RCC1L: variants seen among roughly 807,000 people sequenced by gnomAD.
RCC1L encodes RCC1-like G exchanging factor-like protein.
RCC1L carries 46 observed loss-of-function variants against 58.6 expected under a neutral mutation model. The observed-to-expected ratio is 0.79, with a 90% CI of 0.62 to 1.00. The LOEUF is 1.00. Ranked by LOEUF, RCC1L falls within the 50% of genes least tolerant of loss-of-function variation. The pLI is 0.00. For synonymous variants in RCC1L, 281 were observed against 262.9 expected, an observed-to-expected ratio of 1.07 and a Z score of -0.67; for missense variants, 636 against 623.6, an observed-to-expected ratio of 1.02 and a Z score of -0.21.
At chr7:75,071,741 A>T (rs2115563517) in intron 1 of RCC1L, among the ~76,000 whole-genome samples, 1 of 152,234 alleles carries the variant, frequency 6.6e-6, no homozygotes, top group East Asian at 1.9e-4. Context: ...CCCCATCCTT[A>T]CCAACTGTGT....
At chr7:75,052,683 T>C (rs1554443480) in intron 10 of RCC1L, 28 bp downstream of exon 10, 1 of 1,593,552 alleles carries the variant, frequency 6.3e-7, no homozygotes, top group Admixed American at 1.8e-5. Flanking sequence ...TTAGCATCCA[T>C]TCTCAAGACC....
chr7:75,031,121 T>C (rs1189451198), intron 10 of RCC1L, among the ~76,000 whole-genome samples: 6 of 152,148 alleles, frequency 3.9e-5, no homozygotes, highest in Non-Finnish European at 8.8e-5. Flanking sequence ...CTGATAACAG[T>C]CCCAAGCCCT....
Position 75,064,599 on chromosome 7 carries a change from GACC to G in RCC1L, c.630_632del (p.Val211del). Reference sequence around the variant, plus strand: ...GAACTCACCTGTAAATTTCATTTTCGACCACCTTTCTTCCACATTGCCCATAAG... The same window carrying G: ...GAACTCACCTGTAAATTTCATTTTCGACCTTTCTTCCACATTGCCCATAAG... On this transcript the variant is annotated inframe_deletion, in exon 4 of 11. Coordinates refer to ENST00000610322, the MANE Select transcript of RCC1L (RefSeq NM_030798.5). 6.2e-6 allele frequency: 10 copies of G among 1,613,670 alleles called. No homozygotes were observed. The highest frequency in any genetic ancestry group is 8.5e-6 in the Non-Finnish European group (10 of 1,179,832).
At chr7:75,030,629 C>T (rs1484501696) in intron 10 of RCC1L, among the ~76,000 whole-genome samples, 2 of 152,172 alleles carry the variant, frequency 1.3e-5, no homozygotes, top group Non-Finnish European at 2.9e-5. Flanking sequence ...CCCAGGTGGG[C>T]CAACCCACAG....
Position 75,073,743 on chromosome 7 carries a change from G to A in RCC1L, c.-6C>T, listed in dbSNP as rs1301830884. On this transcript the variant is annotated 5_prime_UTR_variant, in exon 1 of 11. In the 5' UTR this introduces an upstream ATG that the reference lacks. Coordinates refer to ENST00000610322, the MANE Select transcript of RCC1L (RefSeq NM_030798.5). ...ACCAACGCCACCAGCGCCATCCTCC[G>A]TTCCGCGCCTCAGCAGCCTCTGGGC... 6.0e-6 allele frequency: 9 copies of A among 1,496,070 alleles called. No homozygotes were observed. The highest frequency in any genetic ancestry group is 2.9e-5 in the African/African-American group (2 of 69,898). The allele number at this position is 1,496,070 out of a possible 1,614,324, so 92.7% of individuals were successfully genotyped here. A position where few individuals can be genotyped will look rare whatever the true frequency, so the allele number is the denominator to read the frequency against.
At chr7:75,063,535 T>C (rs1806348613) in intron 4 of RCC1L, among the ~76,000 whole-genome samples, 192 bp from the exon 5 acceptor site, 1 of 151,960 alleles carries the variant, frequency 6.6e-6, no homozygotes, top group South Asian at 2.1e-4. Context: ...AAATCCTAGG[T>C]GATTTTAACA....
At chr7:75,051,353 C>CATATATATAT (rs1166805483) in intron 10 of RCC1L, among the ~76,000 whole-genome samples, 1,794 of 146,954 alleles carry the variant, frequency 0.012, 44 homozygotes, top group African/African-American at 0.035. Flanking sequence ...TATACACACA[C>CATATATATAT]ACATATATAT....
intron 10 of RCC1L, among the ~76,000 whole-genome samples, chr7:75,035,029 T>C (rs1174684752): frequency 2.0e-5 from 3 of 152,078 alleles, no homozygotes; most frequent in Non-Finnish European, 4.4e-5. Flanking sequence ...TTTATTTATT[T>C]ACATTTATGT....
downstream of RCC1L, among the ~76,000 whole-genome samples, chr7:75,037,473 G>A (rs1383786915): frequency 1.3e-5 from 2 of 149,464 alleles, no homozygotes; most frequent in South Asian, 2.1e-4. Flanking sequence ...ACAGGCGTGA[G>A]CTACCACCAC....
At chr7:75,046,874 T>C (rs1805735577) in intron 10 of RCC1L, among the ~76,000 whole-genome samples, 1 of 151,980 alleles carries the variant, frequency 6.6e-6, no homozygotes, top group Non-Finnish European at 1.5e-5. Context: ...CCCTGGGCGG[T>C]GAGTCCTTCG....
In RCC1L at chr7:75,043,022, T is replaced by A; in HGVS notation, c.*10A>T. 6.2e-7 allele frequency: 1 copy of A among 1,613,814 alleles called. No individual in the cohort carries two copies. Among genetic ancestry groups the A allele is most frequent in the Admixed American group, 1.7e-5 (1 of 60,002 alleles). ...CCCGGGACGGGGCCGCCCAAGCAGGTGAGGGAGGTTTAGATGAATGACTTG... is the reference window on the plus strand; with the variant it reads ...CCCGGGACGGGGCCGCCCAAGCAGGAGAGGGAGGTTTAGATGAATGACTTG... On this transcript the variant is annotated 3_prime_UTR_variant, in exon 11 of 11. Coordinates refer to ENST00000610322, the MANE Select transcript of RCC1L (RefSeq NM_030798.5).
At chr7:75,034,390 C>T (rs1420548343) in intron 10 of RCC1L, among the ~76,000 whole-genome samples, 1 of 152,152 alleles carries the variant, frequency 6.6e-6, no homozygotes, top group Non-Finnish European at 1.5e-5. Context: ...GCGGTGTGTG[C>T]CTGTAATTTC....
chr7:75,069,904 G>A (rs1806658122), intron 2 of RCC1L, among the ~76,000 whole-genome samples: 1 of 152,068 alleles, frequency 6.6e-6, no homozygotes, highest in African/African-American at 2.4e-5. Context: ...CGCCCAGCCA[G>A]GCTAATGTCT....
chr7:75,044,947 A>G (rs1584489805), intron 10 of RCC1L, among the ~76,000 whole-genome samples: 1 of 151,740 alleles, frequency 6.6e-6, no homozygotes, highest in African/African-American at 2.4e-5. Flanking sequence ...GCTTGAACTC[A>G]GGAGACAGAG....
At chr7:75,030,624 G>A (rs1181939567) in intron 10 of RCC1L, among the ~76,000 whole-genome samples, 1 of 152,128 alleles carries the variant, frequency 6.6e-6, no homozygotes, top group Non-Finnish European at 1.5e-5. Flanking sequence ...CCTTCCCCAG[G>A]TGGGCCAACC....
At chr7:75,065,175 G>A (rs1352667657) in intron 3 of RCC1L, among the ~76,000 whole-genome samples, 8 of 148,578 alleles carry the variant, frequency 5.4e-5, no homozygotes, top group Non-Finnish European at 8.9e-5. Context: ...CGACATTAAC[G>A]TTTACTTTTT....
chr7:75,061,125 C>A, intron 6 of RCC1L, 82 bp downstream of exon 6: 4 of 1,092,818 alleles, frequency 3.7e-6, no homozygotes, highest in Non-Finnish European at 4.3e-6. Context: ...AGGGTTCTAG[C>A]CCATAAATGC....
chr7:75,070,865 C>T, intron 1 of RCC1L, 96 bp from the exon 2 acceptor site: 2 of 1,519,360 alleles, frequency 1.3e-6, no homozygotes, highest in Non-Finnish European at 1.8e-6. Context: ...AGAACACATA[C>T]TATTTACGGG....
intron 3 of RCC1L, among the ~76,000 whole-genome samples, chr7:75,065,910 C>T (rs1224685776): frequency 4.0e-5 from 6 of 150,202 alleles, no homozygotes; most frequent in African/African-American, 9.8e-5. Flanking sequence ...CCCAGCTACT[C>T]GGGAGGCTGA....
Sources: allele counts gnomAD v4.1 joint callset (sites outside exome capture counted in the v4.1 genomes callset), GRCh38; gene constraint gnomAD v4.1.1; transcripts MANE v1.5; gene names NCBI Gene and HGNC (gene_info 2026-07-23, HGNC 2026-07-21).